The following SYT1 variants were observed in gnomAD, a reference collection of about 807,000 sequenced individuals.
The protein encoded by SYT1 is synaptotagmin 1.
A neutral mutation model predicts 44.8 loss-of-function variants in SYT1; 8 were observed. That is an observed-to-expected ratio of 0.18 (90% CI 0.10 to 0.32). SYT1 has a LOEUF of 0.32. Among genes scored for constraint, SYT1 ranks in the 10% least tolerant of loss-of-function variants. The pLI is 1.00. For missense variants in SYT1, 286 were observed against 509.3 expected (o/e 0.56, Z 4.22); for synonymous variants, 154 against 188.8 (o/e 0.82, Z 1.51).
Position 79,220,446 on chromosome 12 carries a change from A to G in SYT1, c.166+2761A>G, listed in dbSNP as rs532927155. On this transcript the variant is annotated intron_variant, in intron 4 of 10. Coordinates refer to ENST00000261205, the MANE Select transcript of SYT1 (RefSeq NM_005639.3). ...CTGATTTTTGTTGTTTCCTTCCTTTACTAAATTTGAGCTTAGTTTGTCTTT... is the reference window on the plus strand; with the variant it reads ...CTGATTTTTGTTGTTTCCTTCCTTTGCTAAATTTGAGCTTAGTTTGTCTTT... Among the ~76,000 whole-genome samples the G allele has an allele frequency of 3.3e-5, 5 of 151,670 alleles. No homozygotes were observed. In the South Asian group the frequency reaches 8.3e-4, roughly 25 times the overall value.
At chr12:78,953,049 C>A (rs1288513889) in intron 1 of SYT1, among the ~76,000 whole-genome samples, 1 of 152,068 alleles carries the variant, frequency 6.6e-6, no homozygotes, top group African/African-American at 2.4e-5. Context: ...TCCCCATAGG[C>A]TCCTTGGAAG....
chr12:79,215,994 C>CA (rs1874777633), intron 3 of SYT1, among the ~76,000 whole-genome samples: 1 of 128,258 alleles, frequency 7.8e-6, no homozygotes, highest in South Asian at 2.7e-4. Flanking sequence ...TGCAGTAGCA[C>CA]AATCTTGGCT....
chr12:79,244,944 G>C (rs1265737238), intron 4 of SYT1, among the ~76,000 whole-genome samples: 1 of 152,008 alleles, frequency 6.6e-6, no homozygotes, highest in African/African-American at 2.4e-5. Context: ...GAAGTAGGTA[G>C]CTGTCTTGGC....
intron 2 of SYT1, among the ~76,000 whole-genome samples, chr12:79,018,983 C>T (rs927750930): frequency 3.3e-5 from 5 of 152,114 alleles, no homozygotes; most frequent in East Asian, 3.9e-4. Flanking sequence ...TCAGCACATA[C>T]GTAATTTGTA....
At chr12:79,182,049 A>T (rs1872579112) in intron 3 of SYT1, among the ~76,000 whole-genome samples, 1 of 152,044 alleles carries the variant, frequency 6.6e-6, no homozygotes, top group Non-Finnish European at 1.5e-5. Flanking sequence ...CATTCTAAAG[A>T]CAGCTTTTCA....
At chr12:79,002,983 C>A (rs555688334) in intron 2 of SYT1, among the ~76,000 whole-genome samples, 122 of 152,122 alleles carry the variant, frequency 8.0e-4, no homozygotes, top group African/African-American at 2.7e-3. Flanking sequence ...GCAGAAATCA[C>A]TTGACCCACC....
At chr12:79,075,455 CT>C (rs1434324890) in intron 3 of SYT1, among the ~76,000 whole-genome samples, 1 of 152,270 alleles carries the variant, frequency 6.6e-6, no homozygotes, top group East Asian at 1.9e-4. Flanking sequence ...CCAAAGAACA[CT>C]TTCCTGATAT....
In SYT1 at chr12:79,353,564, T is replaced by C; in HGVS notation, c.873T>C (p.Thr291=). The C allele has an allele frequency of 2.5e-6, 4 of 1,614,202 alleles. No individual in the cohort carries two copies. Among genetic ancestry groups the C allele is most frequent in the Non-Finnish European group, 3.4e-6 (4 of 1,179,992 alleles). ...LRYVPTAGKL[T]VVILEAKNLK... is the part of the protein sequence containing the mutation. ...ACGTACCTACTGCTGGTAAGCTGAC[T>C]GTTGTCATTCTGGAGGCAAAGAACC... is the stretch of plus-strand genomic sequence containing the variant. Residue 291 remains threonine, a synonymous_variant, in exon 9 of 11, where the codon ACT becomes ACC. Coordinates refer to ENST00000261205, the MANE Select transcript of SYT1 (RefSeq NM_005639.3).
chr12:79,176,482 C>G (rs530213725), intron 3 of SYT1, among the ~76,000 whole-genome samples: 2 of 151,988 alleles, frequency 1.3e-5, no homozygotes, highest in Non-Finnish European at 2.9e-5. Flanking sequence ...TTTATCTTCA[C>G]TCATGTAGCT....
intron 4 of SYT1, among the ~76,000 whole-genome samples, chr12:79,223,858 G>C (rs1302122756): frequency 6.6e-6 from 1 of 152,162 alleles, no homozygotes; most frequent in Non-Finnish European, 1.5e-5. Flanking sequence ...CTGTGCAGTT[G>C]CAATGCTAGG....
intron 4 of SYT1, among the ~76,000 whole-genome samples, chr12:79,269,596 C>G (rs934148009): frequency 2.6e-5 from 4 of 152,102 alleles, no homozygotes; most frequent in Non-Finnish European, 4.4e-5. Context: ...CCTTGATGCT[C>G]TGAGAAACAG....
intron 3 of SYT1, among the ~76,000 whole-genome samples, chr12:79,116,306 G>A (rs1399923910): frequency 2.0e-5 from 3 of 152,284 alleles, no homozygotes; most frequent in Admixed American, 6.5e-5. Context: ...AAAGCCTAAC[G>A]AAGACATTTA....
chr12:78,905,115 G>A (rs1371433857), intron 1 of SYT1, among the ~76,000 whole-genome samples: 1 of 152,048 alleles, frequency 6.6e-6, no homozygotes, highest in Non-Finnish European at 1.5e-5. Flanking sequence ...GCAATTTTTT[G>A]TTCCAGGACC....
intron 1 of SYT1, among the ~76,000 whole-genome samples, chr12:78,919,871 A>T (rs998701304): frequency 6.6e-6 from 1 of 151,962 alleles, no homozygotes; most frequent in Non-Finnish European, 1.5e-5. Flanking sequence ...AATTCCTAAG[A>T]CTCTAGAACA....
chr12:79,070,619 A>T (rs960419045), intron 3 of SYT1, among the ~76,000 whole-genome samples: 2 of 151,354 alleles, frequency 1.3e-5, no homozygotes, highest in Non-Finnish European at 2.9e-5. Flanking sequence ...CTAAAGTTTT[A>T]CTTTATTCTG....
At chr12:78,909,816 A>T (rs1360779600) in intron 1 of SYT1, among the ~76,000 whole-genome samples, 1 of 151,990 alleles carries the variant, frequency 6.6e-6, no homozygotes, top group African/African-American at 2.4e-5. Flanking sequence ...TTTTACTGCA[A>T]TCGAATACCA....
intron 4 of SYT1, among the ~76,000 whole-genome samples, chr12:79,284,647 C>T (rs1008346667): frequency 2.0e-5 from 3 of 151,842 alleles, no homozygotes; most frequent in African/African-American, 4.8e-5. Flanking sequence ...ACCATCCTGG[C>T]CAACATGGTG....
chr12:79,204,685 G>A (rs756561962), intron 3 of SYT1, among the ~76,000 whole-genome samples: 2 of 151,830 alleles, frequency 1.3e-5, no homozygotes, highest in Non-Finnish European at 2.9e-5. Flanking sequence ...TTGATCCATG[G>A]AAGATTTCAG....
At position 79,162,777 on chromosome 12, in the gene SYT1, G is replaced by T. The variant is rs74107334; in HGVS notation, c.-17-54726G>T. The stretch of plus-strand genomic sequence containing the variant: ...CAGCAATTTTGTTTTGAAATTAAAT[G>T]CAAGACTTTACATTTTCTCTATTAA... On this transcript the variant is annotated intron_variant, in intron 3 of 10. Transcript: ENST00000261205. Among the ~76,000 whole-genome samples the T allele has an allele frequency of 9.3e-3, 1,421 of 152,148 alleles. 15 individuals carry two copies. The highest frequency in any genetic ancestry group is 0.037 in the Middle Eastern group (11 of 294).
Sources: gnomAD v4.1 joint callset for allele counts (sites outside exome capture counted in the v4.1 genomes callset) on GRCh38, gnomAD v4.1.1 for gene constraint, MANE v1.5 for transcripts, NCBI Gene and HGNC (gene_info 2026-07-23, HGNC 2026-07-21) for gene names.